Variants in TMEM131 observed in about 807,000 individuals in gnomAD.
TMEM131 encodes 2610524E03Rik.
TMEM131 carries 66 observed loss-of-function variants against 211.6 expected under a neutral mutation model. The ratio of observed to expected loss-of-function variants is 0.31; its 90% CI spans 0.26 to 0.38. TMEM131 has a LOEUF of 0.38. Among genes scored for constraint, TMEM131 ranks in the 10% least tolerant of loss-of-function variants. The pLI is 1.00. For synonymous variants in TMEM131, 844 were observed against 841.3 expected (o/e 1.00, Z -0.06); for missense variants, 2,036 against 2,299.3 (o/e 0.89, Z 2.34).
At chr2:97,967,290 A>G (rs1679100887) in intron 1 of TMEM131, among the ~76,000 whole-genome samples, 1 of 152,184 alleles carries the variant, frequency 6.6e-6, no homozygotes, top group Non-Finnish European at 1.5e-5. Flanking sequence ...CCTGTCTCTA[A>G]CAAAAAAATT....
At chr2:97,878,870 C>A (rs1674803914) in intron 4 of TMEM131, among the ~76,000 whole-genome samples, 1 of 151,682 alleles carries the variant, frequency 6.6e-6, no homozygotes, top group Non-Finnish European at 1.5e-5. Context: ...TAATAATGAG[C>A]AAACAAACAA....
At chr2:97,832,025 A>AAAAAAAAAAAC (rs1305604950) in intron 11 of TMEM131, among the ~76,000 whole-genome samples, 1 of 150,690 alleles carries the variant, frequency 6.6e-6, no homozygotes, top group Non-Finnish European at 1.5e-5. Flanking sequence ...AAAAAAAAAA[A>AAAAAAAAAAAC]AGCAGCTCTA....
intron 1 of TMEM131, among the ~76,000 whole-genome samples, chr2:97,936,541 G>A (rs1677454091): frequency 6.6e-6 from 1 of 152,180 alleles, no homozygotes; most frequent in Non-Finnish European, 1.5e-5. Flanking sequence ...CTGGTTCCAG[G>A]TTTTTAAGGA....
At chr2:97,964,956 TG>T (rs1346549329) in intron 1 of TMEM131, among the ~76,000 whole-genome samples, 2 of 152,204 alleles carry the variant, frequency 1.3e-5, no homozygotes, top group Non-Finnish European at 2.9e-5. Flanking sequence ...CCAGATGAGT[TG>T]GTCTCCCCTG....
chr2:97,900,705 A>G (rs1195178937), intron 3 of TMEM131, among the ~76,000 whole-genome samples: 1 of 151,670 alleles, frequency 6.6e-6, no homozygotes, highest in Non-Finnish European at 1.5e-5. Context: ...TGACATAATT[A>G]TTTCATTTCT....
In TMEM131 at chr2:97,814,995, T is replaced by C. The variant is rs72946447; in HGVS notation, c.1292+204A>G. 0.025 allele frequency among the ~76,000 whole-genome samples: 3,750 copies of C among 152,236 alleles called. 165 individuals are homozygous for C. The highest frequency in any genetic ancestry group is 0.087 in the African/African-American group (3,596 of 41,538). The stretch of plus-strand genomic sequence containing the variant: ...CTTCATTTAAGCCCAAATCCTATCA[T>C]CCCACTTACCCTTTTCTTCTAAAAA... On this transcript the variant is annotated intron_variant, in intron 13 of 40. Transcript: ENST00000186436.
Position 97,976,937 on chromosome 2 carries a change from TAGA to T in TMEM131, c.187+18536_187+18538del, listed in dbSNP as rs1679561580. Among the ~76,000 whole-genome samples the T allele has an allele frequency of 5.0e-5, 6 of 120,660 alleles. No homozygotes were observed. The South Asian group carries it at 1.5e-3, about 30-fold the overall frequency. The allele number at this position is 120,660 out of a possible 152,430, so 79.2% of individuals were successfully genotyped here. On this transcript the variant is annotated intron_variant, in intron 1 of 40. Transcript: ENST00000186436. ...TTTTAATTGACTTTTTAATAGACACTAGAAGAACTGGTTATTTATATGCAAAAA... is the reference window on the plus strand; with the variant it reads ...TTTTAATTGACTTTTTAATAGACACTAGAACTGGTTATTTATATGCAAAAA...
chr2:97,883,099 G>T (rs1342183753), intron 4 of TMEM131, among the ~76,000 whole-genome samples: 2 of 152,064 alleles, frequency 1.3e-5, no homozygotes, highest in African/African-American at 4.8e-5. Context: ...GCTCTATGGG[G>T]CCTCTCTTGT....
At chr2:97,897,385 C>CA (rs1226546682) in intron 3 of TMEM131, among the ~76,000 whole-genome samples, 2 of 152,008 alleles carry the variant, frequency 1.3e-5, no homozygotes, top group Admixed American at 6.6e-5. Context: ...AATCTTTTAC[C>CA]ATTAATACCA....
intron 4 of TMEM131, among the ~76,000 whole-genome samples, chr2:97,863,542 T>C (rs1397984956): frequency 6.6e-6 from 1 of 152,168 alleles, no homozygotes; most frequent in Non-Finnish European, 1.5e-5. Context: ...GGAACTCAAA[T>C]GACTCTAAAG....
intron 2 of TMEM131, among the ~76,000 whole-genome samples, chr2:97,923,620 T>A (rs1312195550): frequency 8.6e-6 from 1 of 115,698 alleles, no homozygotes; most frequent in Non-Finnish European, 1.6e-5. Context: ...AGACACTGTC[T>A]TTTTTTTTAA....
intron 1 of TMEM131, among the ~76,000 whole-genome samples, chr2:97,982,457 CTG>C (rs1679841697): frequency 6.6e-6 from 1 of 152,032 alleles, no homozygotes; most frequent in African/African-American, 2.4e-5. Flanking sequence ...TTCTTCCATT[CTG>C]TGGGTTTTCT....
At chr2:97,883,632 CTT>C (rs1164367747) in intron 4 of TMEM131, among the ~76,000 whole-genome samples, 2 of 152,148 alleles carry the variant, frequency 1.3e-5, no homozygotes, top group South Asian at 2.1e-4. Context: ...AGGACTCTCT[CTT>C]GAGGAAAGGA....
chr2:97,824,138 A>G (rs1469647853), intron 11 of TMEM131, among the ~76,000 whole-genome samples: 2 of 152,198 alleles, frequency 1.3e-5, no homozygotes, highest in African/African-American at 2.4e-5. Context: ...TTTAAAAAAG[A>G]TTGTCCAATG....
At chr2:97,846,963 A>G (rs929062945) in intron 5 of TMEM131, among the ~76,000 whole-genome samples, 7 of 151,548 alleles carry the variant, frequency 4.6e-5, no homozygotes, top group Non-Finnish European at 7.4e-5. Context: ...GGCGGATCAC[A>G]AGGTCAACAG....
intron 31 of TMEM131, among the ~76,000 whole-genome samples, 158 bp from the exon 32 acceptor site, chr2:97,776,176 C>A (rs1373347110): frequency 2.0e-5 from 3 of 152,110 alleles, no homozygotes; most frequent in Admixed American, 1.3e-4. Context: ...GCCTCAGCCT[C>A]CTGAGTAGCT....
chr2:97,792,505 G>C lies in TMEM131; in HGVS notation c.4025C>G (p.Ser1342Cys), dbSNP rs973010130. The change falls in exon 31 of 41, where the codon TCC becomes TGC. Residue 1342 changes from serine to cysteine, a missense_variant. By Grantham distance (112) the Ser-to-Cys change is moderately radical. Transcript: ENST00000186436. ...GAGACTGGTGATGTCCGAGTCCTCGGAACTGTGCCTCGCGCTGCTGGCACG... is the reference window on the plus strand; with the variant it reads ...GAGACTGGTGATGTCCGAGTCCTCGCAACTGTGCCTCGCGCTGCTGGCACG... ...PERASSARHS[S>C]EDSDITSLIE... 2 of 1,613,550 alleles carry C rather than the reference G, an allele frequency of 1.2e-6. No homozygotes were observed. Among genetic ancestry groups the C allele is most frequent in the Admixed American group, 1.7e-5 (1 of 59,946 alleles).
At chr2:97,817,545 G>A (rs1465585854) in intron 12 of TMEM131, among the ~76,000 whole-genome samples, 1 of 152,210 alleles carries the variant, frequency 6.6e-6, no homozygotes. Flanking sequence ...TACCACAAAT[G>A]TAGAAATTAC....
chr2:97,837,723 T>C (rs940638396), intron 7 of TMEM131, among the ~76,000 whole-genome samples: 6 of 152,368 alleles, frequency 3.9e-5, no homozygotes, highest in South Asian at 2.1e-4. Context: ...AACAGCTTTA[T>C]TGAGTTATTT....
Sources: gnomAD v4.1 joint callset for allele counts (sites outside exome capture counted in the v4.1 genomes callset) on GRCh38, gnomAD v4.1.1 for gene constraint, MANE v1.5 for transcripts, NCBI Gene and HGNC (gene_info 2026-07-23, HGNC 2026-07-21) for gene names.